Variants in ATG10 observed in about 807,000 individuals in gnomAD.
ATG10 encodes ubiquitin-like-conjugating enzyme ATG10.
In ATG10, 30 loss-of-function variants were observed where a neutral mutation model predicts 32.1. The ratio of observed to expected loss-of-function variants is 0.94; its 90% CI spans 0.70 to 1.27. The LOEUF is 1.27. ATG10 is among the 50% of genes most tolerant of loss of function. The probability of loss-of-function intolerance (pLI) is 0.00; values close to 1 mark genes in which losing one functional copy is unlikely to be tolerated. For synonymous variants in ATG10, 87 were observed against 91.5 expected, an observed-to-expected ratio of 0.95 and a Z score of 0.28; for missense variants, 233 against 262.3, an observed-to-expected ratio of 0.89 and a Z score of 0.77.
At chr5:82,009,683 A>T (rs1235146699) in intron 2 of ATG10, 31 of 1,583,534 alleles carry the variant, frequency 2.0e-5, no homozygotes, top group Admixed American at 3.3e-5. Flanking sequence ...CCTCCACAAT[A>T]TTCATGCCTT....
chr5:82,137,147 A>T (rs1208963367), intron 3 of ATG10, among the ~76,000 whole-genome samples: 1 of 151,938 alleles, frequency 6.6e-6, no homozygotes, highest in Non-Finnish European at 1.5e-5. Flanking sequence ...CCTTGCATTG[A>T]TTTAGAACAT....
intron 1 of ATG10, among the ~76,000 whole-genome samples, chr5:81,980,782 C>T (rs1761023096): frequency 6.6e-6 from 1 of 152,064 alleles, no homozygotes; most frequent in Non-Finnish European, 1.5e-5. Context: ...CACATCTGGC[C>T]ATGCACACTG....
intron 3 of ATG10, among the ~76,000 whole-genome samples, chr5:82,079,664 T>C (rs552817044): frequency 1.8e-4 from 27 of 152,232 alleles, no homozygotes; most frequent in African/African-American, 4.3e-4. Context: ...TGGTTTCCAG[T>C]TTCATCCATG....
chr5:81,999,454 A>G (rs115611159), intron 2 of ATG10, among the ~76,000 whole-genome samples: 6,622 of 152,150 alleles, frequency 0.044, 484 homozygotes, highest in African/African-American at 0.15. Flanking sequence ...TAAACAACCT[A>G]ACATCCCAAC....
chr5:82,192,129 C>T lies in ATG10; in HGVS notation c.453+13542C>T, dbSNP rs536268194. On this transcript the variant is annotated intron_variant, in intron 5 of 7. Coordinates refer to ENST00000282185, the MANE Select transcript of ATG10 (RefSeq NM_031482.5). ...CACAGAGGCTTCACTGTCCAGAGGA[C>T]GGGGCATCCATTTTGCTGGTGGGAG... Among the ~76,000 whole-genome samples, 5 of 152,278 alleles carry T rather than the reference C, an allele frequency of 3.3e-5. No individual in the cohort carries two copies. The South Asian group carries it at 6.2e-4, about 19-fold the overall frequency.
chr5:82,027,939 C>T (rs1439919008), intron 2 of ATG10, among the ~76,000 whole-genome samples: 1 of 152,156 alleles, frequency 6.6e-6, no homozygotes, highest in African/African-American at 2.4e-5. Context: ...AAGATTTGAA[C>T]ATTTTAAGGT....
At chr5:81,973,750 G>T (rs1349371268) in intron 1 of ATG10, among the ~76,000 whole-genome samples, 3 of 152,132 alleles carry the variant, frequency 2.0e-5, no homozygotes, top group Admixed American at 6.5e-5. Flanking sequence ...GTGACCAGAG[G>T]AAATGTTACA....
intron 3 of ATG10, among the ~76,000 whole-genome samples, chr5:82,123,923 A>C (rs1766146813): frequency 6.6e-6 from 1 of 151,980 alleles, no homozygotes; most frequent in Admixed American, 6.6e-5. Context: ...GTGACAGAGC[A>C]AGACCCTGTT....
At chr5:82,017,824 T>C (rs968398065) in intron 2 of ATG10, among the ~76,000 whole-genome samples, 1 of 152,190 alleles carries the variant, frequency 6.6e-6, no homozygotes, top group Non-Finnish European at 1.5e-5. Flanking sequence ...CTTGATATAC[T>C]TTCTTCAATT....
intron 3 of ATG10, among the ~76,000 whole-genome samples, chr5:82,125,268 G>T (rs889701614): frequency 1.1e-4 from 17 of 151,964 alleles, no homozygotes; most frequent in African/African-American, 2.4e-4. Flanking sequence ...TTTCTTTTGT[G>T]GTGCAGAAGC....
chr5:82,101,225 C>G (rs1031329186), intron 3 of ATG10, among the ~76,000 whole-genome samples: 2 of 152,122 alleles, frequency 1.3e-5, no homozygotes, highest in African/African-American at 4.8e-5. Flanking sequence ...CATAAAGTCA[C>G]TGAGTACTCC....
chr5:82,240,963 G>A (rs1746768324), intron 5 of ATG10, among the ~76,000 whole-genome samples: 1 of 152,100 alleles, frequency 6.6e-6, no homozygotes, highest in Admixed American at 6.6e-5. Flanking sequence ...TGACAGCAGA[G>A]GTTATCTGTT....
rs956169187 is a variant in ATG10 at position 82,173,509 on chromosome 5, T to C, written c.356-4981T>C. On this transcript the variant is annotated intron_variant, in intron 4 of 7. Coordinates refer to ENST00000282185, the MANE Select transcript of ATG10 (RefSeq NM_031482.5). ...ACAGAACATTCCATTAGCTTAAATG[T>C]GTATTATCATTCCAAGTGATACAGG... Among the ~76,000 whole-genome samples, 6 of 152,330 alleles carry C rather than the reference T, an allele frequency of 3.9e-5. No individual in the cohort carries two copies. The South Asian group carries it at 1.2e-3, about 32-fold the overall frequency.
At chr5:82,169,687 A>T (rs971399963) in intron 4 of ATG10, among the ~76,000 whole-genome samples, 3 of 152,214 alleles carry the variant, frequency 2.0e-5, no homozygotes, top group African/African-American at 7.2e-5. Flanking sequence ...GTAGACAGTA[A>T]ATCTAGCCAA....
intron 4 of ATG10, among the ~76,000 whole-genome samples, chr5:82,174,826 G>A (rs1743947348): frequency 6.6e-6 from 1 of 152,216 alleles, no homozygotes; most frequent in African/African-American, 2.4e-5. Flanking sequence ...CCAGCAGGGG[G>A]TGCCAAACAC....
At chr5:82,153,216 G>C (rs1425311820) in intron 3 of ATG10, among the ~76,000 whole-genome samples, 1 of 152,134 alleles carries the variant, frequency 6.6e-6, no homozygotes, top group Non-Finnish European at 1.5e-5. Flanking sequence ...CACCATATCT[G>C]TTTGCCAACA....
chr5:82,017,474 T>C (rs558801589), intron 2 of ATG10, among the ~76,000 whole-genome samples: 42 of 152,338 alleles, frequency 2.8e-4, no homozygotes, highest in Admixed American at 5.2e-4. Flanking sequence ...GGCATCCTTG[T>C]CTTGTTCCAA....
intron 5 of ATG10, among the ~76,000 whole-genome samples, chr5:82,190,630 G>T (rs559017363): frequency 6.6e-6 from 1 of 151,776 alleles, no homozygotes; most frequent in African/African-American, 2.4e-5. Context: ...AATTAGCTGG[G>T]TGTGGTGGCG....
chr5:82,227,376 A>G (rs1237974204), intron 5 of ATG10, among the ~76,000 whole-genome samples: 1 of 150,672 alleles, frequency 6.6e-6, no homozygotes, highest in Non-Finnish European at 1.5e-5. Context: ...TTAAAATTTT[A>G]TTTTATTATT....
Sources: gnomAD v4.1 joint callset for allele counts (sites outside exome capture counted in the v4.1 genomes callset) on GRCh38, gnomAD v4.1.1 for gene constraint, MANE v1.5 for transcripts, NCBI Gene and HGNC (gene_info 2026-07-23, HGNC 2026-07-21) for gene names.